Variants in IFI44L observed in about 807,000 individuals in gnomAD.
IFI44L encodes the protein interferon induced protein 44 like, also known as interferon-induced protein 44-like.
A neutral mutation model predicts 39.3 loss-of-function variants in IFI44L; 40 were observed. The observed-to-expected ratio is 1.02, with a 90% CI of 0.79 to 1.33. The LOEUF is 1.33. IFI44L is among the 40% of genes most tolerant of loss of function. The probability of loss-of-function intolerance (pLI) is 0.00; values close to 1 mark genes in which losing one functional copy is unlikely to be tolerated. For synonymous variants in IFI44L, 198 were observed against 182.3 expected (o/e 1.09, Z -0.69); for missense variants, 623 against 549.0 (o/e 1.13, Z -1.35).
At position 78,620,887 on chromosome 1, in the gene IFI44L, A is replaced by G. The variant is rs951839910; in HGVS notation, c.-11+316A>G. 1.6e-4 allele frequency: 25 copies of G among 152,178 alleles called. 2 individuals carry two copies. The highest frequency in any genetic ancestry group is 2.6e-4 in the Admixed American group (4 of 15,270). The allele number at this position is 152,178 out of a possible 1,614,324, so 9.4% of individuals were successfully genotyped here. ...TCATCTCCTTCCTCTGACTTTCCCAACCTCTGGTAACCACCATGCTACTCT... is the reference window on the plus strand; with the variant it reads ...TCATCTCCTTCCTCTGACTTTCCCAGCCTCTGGTAACCACCATGCTACTCT... On this transcript the variant is annotated intron_variant, in intron 1 of 8. Coordinates refer to ENST00000370751, the MANE Select transcript of IFI44L (RefSeq NM_006820.4).
intron 5 of IFI44L, chr1:78,636,752 G>C: frequency 3.1e-6 from 1 of 322,002 alleles, no homozygotes. Flanking sequence ...TTTGAAATTA[G>C]CTTTTCAAAA....
In IFI44L at chr1:78,623,396, GTTTTTTTTTTT is replaced by G. The variant is rs71078508; in HGVS notation, c.-11+2845_-11+2855del. On this transcript the variant is annotated intron_variant, in intron 1 of 8. Transcript: ENST00000370751. ...TCTACTCCTGGTTTAAGTGTTTTTT[GTTTTTTTTTTT>G]TTTTTTTTTTTTTTTTTTTAAATCA... 1.4e-3 allele frequency among the ~76,000 whole-genome samples: 165 copies of G among 121,328 alleles called. 1 individual carries two copies. The highest frequency in any genetic ancestry group is 5.3e-3 in the African/African-American group (153 of 29,044). The allele number at this position is 121,328 out of a possible 152,430, so 79.6% of individuals were successfully genotyped here. A position where few individuals can be genotyped will look rare whatever the true frequency, so the allele number is the denominator to read the frequency against.
intron 1 of IFI44L, among the ~76,000 whole-genome samples, chr1:78,622,909 G>A (rs72933702): frequency 0.016 from 2,479 of 152,276 alleles, 60 homozygotes; most frequent in African/African-American, 0.057. Context: ...GCTGTGGCTC[G>A]CACTTTGATA....
chr1:78,641,259 GATTA>G, intron 7 of IFI44L, 138 bp downstream of exon 7: 1 of 862,352 alleles, frequency 1.2e-6, no homozygotes, highest in Non-Finnish European at 1.8e-6. Context: ...TCAATTGCTT[GATTA>G]ATTCAAATTT....
Position 78,627,976 on chromosome 1 carries a change from A to T in IFI44L, c.61A>T (p.Asn21Tyr), listed in dbSNP as rs372310725. The T allele has an allele frequency of 4.4e-5, 71 of 1,611,094 alleles. No homozygotes were observed. The African/African-American group carries it at 8.8e-4, about 20-fold the overall frequency. Residue 21 changes from asparagine to tyrosine, a missense_variant, in exon 2 of 9, where the codon AAT becomes TAT. Transcript: ENST00000370751. Reference protein sequence around the residue: ...DENHLRKLLGNVSLSLLYKSS... With the variant: ...DENHLRKLLGYVSLSLLYKSS... ...AAATCATCTGCGCAAGCTGCTTGGA[A>T]ATGTTTCTTTGAGTCTTCTCTATAA...
Position 78,641,617 on chromosome 1 carries a change from G to A in IFI44L, c.1324+8G>A. The stretch of plus-strand genomic sequence containing the variant: ...TGCCTCTTGAGGAAACTGGTAATCT[G>A]GCCCTTTTCTCCCCCTGTCATAGAT... On this transcript the variant is annotated splice_region_variant and intron_variant, in intron 8 of 8. Coordinates refer to ENST00000370751, the MANE Select transcript of IFI44L (RefSeq NM_006820.4). The A allele has an allele frequency of 2.5e-6, 4 of 1,612,760 alleles. No individual in the cohort carries two copies. The highest frequency in any genetic ancestry group is 2.5e-6 in the Non-Finnish European group (3 of 1,178,972).
intron 6 of IFI44L, among the ~76,000 whole-genome samples, chr1:78,638,942 G>C (rs998056105): frequency 3.9e-5 from 6 of 152,024 alleles, no homozygotes; most frequent in Non-Finnish European, 7.4e-5. Flanking sequence ...CTTACATCTT[G>C]TGTTTTAGCA....
rs1385983860 is a variant in IFI44L at position 78,620,576 on chromosome 1, G to A, written c.-11+5G>A. On this transcript the variant is annotated splice_donor_5th_base_variant and intron_variant, in intron 1 of 8. Transcript: ENST00000370751. ...TGATCTAACCCCTAGAAACAGGTAA[G>A]CGACTTTTTAATTGAAACATAGTAT... 1.3e-5 allele frequency: 2 copies of A among 152,122 alleles called. No homozygotes were observed. Among genetic ancestry groups the A allele is most frequent in the African/African-American group, 4.8e-5 (2 of 41,404 alleles). The allele number at this position is 152,122 out of a possible 1,614,324, so 9.4% of individuals were successfully genotyped here.
intron 2 of IFI44L, 163 bp from the exon 3 acceptor site, chr1:78,628,788 A>G (rs1652602428): frequency 3.4e-6 from 2 of 595,482 alleles, no homozygotes. Context: ...AGAGAGGATA[A>G]TTTTTCCTCC....
intron 4 of IFI44L, 70 bp downstream of exon 4, chr1:78,629,985 T>C: frequency 1.5e-6 from 2 of 1,359,680 alleles, no homozygotes; most frequent in Non-Finnish European, 2.1e-6. Flanking sequence ...TTTGCCTTTT[T>C]CTCTTAGGGC....
chr1:78,624,335 T>C (rs893719218), intron 1 of IFI44L, among the ~76,000 whole-genome samples: 1 of 152,204 alleles, frequency 6.6e-6, no homozygotes, highest in Admixed American at 6.5e-5. Flanking sequence ...TTCATTTTGA[T>C]CCACTGCTTA....
chr1:78,640,818 A>C (rs1373021090), intron 6 of IFI44L, among the ~76,000 whole-genome samples: 1 of 152,116 alleles, frequency 6.6e-6, no homozygotes, highest in Non-Finnish European at 1.5e-5. Context: ...TGCATTGAAA[A>C]ATGCTGTCAC....
chr1:78,641,388 C>A, intron 7 of IFI44L, 47 bp from the exon 8 acceptor site: 1 of 1,532,978 alleles, frequency 6.5e-7, no homozygotes, highest in Non-Finnish European at 8.9e-7. Context: ...GGTCAAATTT[C>A]AAATATTAAA....
At chr1:78,634,832 G>C (rs987028678) in intron 4 of IFI44L, among the ~76,000 whole-genome samples, 4 of 151,578 alleles carry the variant, frequency 2.6e-5, no homozygotes, top group Admixed American at 2.6e-4. Flanking sequence ...TAAAAATGTG[G>C]AGTGTTTTTT....
At chr1:78,625,079 T>G (rs1211220865) in intron 1 of IFI44L, among the ~76,000 whole-genome samples, 1 of 152,042 alleles carries the variant, frequency 6.6e-6, no homozygotes, top group Non-Finnish European at 1.5e-5. Context: ...TCCTTTTTTT[T>G]TTTTGGTTTG....
Position 78,643,160 on chromosome 1 carries a change from T to TTTTTTTTTTTTTTTTTTTG in IFI44L, c.*1351_*1352insTTTTTTTTTTTTTTTTTTG, listed in dbSNP as rs1367397714. 1.3e-5 allele frequency: 2 copies of TTTTTTTTTTTTTTTTTTTG among 151,870 alleles called. No homozygotes were observed. The highest frequency in any genetic ancestry group is 2.1e-4 in the South Asian group (1 of 4,818). 9.4% of individuals were successfully genotyped at this position (151,870 alleles called of 1,614,324 possible). On this transcript the variant is annotated 3_prime_UTR_variant, in exon 9 of 9. Transcript: ENST00000370751. ...AGATATTAAGAAAGCAAGAGTTTCT[T>TTTTTTTTTTTTTTTTTTTG]ATGTCCAGTTATGGAATATTTCCTA...
rs1652371101 is a variant in IFI44L at position 78,623,641 on chromosome 1, A to C, written c.-11+3070A>C. Among the ~76,000 whole-genome samples the C allele has an allele frequency of 2.0e-5, 3 of 152,106 alleles. 1 individual carries two copies. In the South Asian group the frequency reaches 6.2e-4, roughly 32 times the overall value. On this transcript the variant is annotated intron_variant, in intron 1 of 8. Coordinates refer to ENST00000370751, the MANE Select transcript of IFI44L (RefSeq NM_006820.4). ...CCACCTGCCAGATGTAAAGCCAGGA[A>C]AGCTGGTGGTGTAATTCAGTCTGAA... is the stretch of plus-strand genomic sequence containing the variant.
At position 78,629,658 on chromosome 1, in the gene IFI44L, G is replaced by T. The variant is rs958445520; in HGVS notation, c.528-62G>T. On this transcript the variant is annotated intron_variant, in intron 3 of 8. Coordinates refer to ENST00000370751, the MANE Select transcript of IFI44L (RefSeq NM_006820.4). Reference sequence around the variant, plus strand: ...AAAGAAGCTCTAGGTGACTTGAGATGTTCTTTATGGTATTCTTTATTGGCT... The same window carrying T: ...AAAGAAGCTCTAGGTGACTTGAGATTTTCTTTATGGTATTCTTTATTGGCT... 15 of 1,236,160 alleles carry T rather than the reference G, an allele frequency of 1.2e-5. No individual in the cohort carries two copies. The Admixed American group carries it at 3.6e-4, about 30-fold the overall frequency. 76.6% of individuals were successfully genotyped at this position (1,236,160 alleles called of 1,614,324 possible).
intron 3 of IFI44L, chr1:78,629,490 T>C (rs1652657595): frequency 2.4e-6 from 1 of 413,448 alleles, no homozygotes; most frequent in African/African-American, 2.1e-5. Context: ...TGCAGGTTAA[T>C]ATTTAACTTT....
Sources: allele counts gnomAD v4.1 joint callset (sites outside exome capture counted in the v4.1 genomes callset), GRCh38; gene constraint gnomAD v4.1.1; transcripts MANE v1.5; gene names NCBI Gene and HGNC (gene_info 2026-07-23, HGNC 2026-07-21).